The following TTC29 variants were observed in gnomAD, a reference collection of about 807,000 sequenced individuals.
TTC29 encodes the protein tetratricopeptide repeat protein 29.
TTC29 carries 49 observed loss-of-function variants against 58.1 expected under a neutral mutation model. The ratio of observed to expected loss-of-function variants is 0.84; its 90% CI spans 0.67 to 1.07. TTC29 has a LOEUF of 1.07. Ranked by LOEUF, TTC29 falls within the 50% of genes least tolerant of loss-of-function variation. TTC29 has a pLI of 0.00. For missense variants in TTC29, 582 were observed against 555.6 expected (o/e 1.05, Z -0.48); for synonymous variants, 209 against 196.8 (o/e 1.06, Z -0.52).
intron 4 of TTC29, among the ~76,000 whole-genome samples, chr4:146,926,373 G>C (rs1734930792): frequency 6.6e-6 from 1 of 152,148 alleles, no homozygotes; most frequent in Non-Finnish European, 1.5e-5. Flanking sequence ...CATAGTAACT[G>C]TAGTAATTCC....
chr4:146,714,616 A>G lies in TTC29; in HGVS notation c.1331-7065T>C, dbSNP rs10002192. 5.3e-3 allele frequency among the ~76,000 whole-genome samples: 808 copies of G among 152,114 alleles called. 11 individuals carry two copies. Among genetic ancestry groups the G allele is most frequent in the African/African-American group, 0.018 (748 of 41,570 alleles). On this transcript the variant is annotated intron_variant, in intron 11 of 12. Transcript: ENST00000325106. ...AAAAGAAAAAGAAAAAAAAAAACCT[A>G]TAAAATGTACAATGACATACCCACT...
intron 11 of TTC29, among the ~76,000 whole-genome samples, chr4:146,742,690 C>G: frequency 7.6e-6 from 1 of 132,026 alleles, no homozygotes; most frequent in Non-Finnish European, 1.6e-5. Context: ...TCCTCTTCTA[C>G]TCCTCCCCCT....
At chr4:146,852,887 G>GT (rs1451676523) in intron 8 of TTC29, among the ~76,000 whole-genome samples, 1 of 151,906 alleles carries the variant, frequency 6.6e-6, no homozygotes, top group African/African-American at 2.4e-5. Context: ...CTGTTTTATT[G>GT]TTTTTGCTTT....
chr4:146,820,276 G>A, intron 9 of TTC29, 28 bp from the exon 10 acceptor site: 5 of 1,602,852 alleles, frequency 3.1e-6, no homozygotes. Flanking sequence ...GGAAGTCAAT[G>A]GAGTATCATC....
At chr4:146,937,541 C>A in intron 4 of TTC29, 53 bp downstream of exon 4, 4 of 1,158,658 alleles carry the variant, frequency 3.5e-6, no homozygotes, top group South Asian at 3.0e-5. Context: ...AATAAAGAAT[C>A]AAGACAAAAG....
At chr4:146,865,296 T>C (rs1266193661) in intron 8 of TTC29, among the ~76,000 whole-genome samples, 12 of 152,206 alleles carry the variant, frequency 7.9e-5, no homozygotes, top group Admixed American at 7.9e-4. Context: ...TGCCACATCC[T>C]TTACAATAAA....
chr4:146,762,454 C>A lies in TTC29; in HGVS notation c.1330+41003G>T, dbSNP rs538364285. On this transcript the variant is annotated intron_variant, in intron 11 of 12. Transcript: ENST00000325106. ...GAGATCCCACTGCTGTTACAGTCAACAAAGAATCATCTCCTTGGATAACGT... is the reference window on the plus strand; with the variant it reads ...GAGATCCCACTGCTGTTACAGTCAAAAAAGAATCATCTCCTTGGATAACGT... Among the ~76,000 whole-genome samples the A allele has an allele frequency of 3.5e-4, 53 of 150,520 alleles. No individual in the cohort carries two copies. The South Asian group carries it at 0.01, about 29-fold the overall frequency.
rs573667973 is a variant in TTC29, at chr4:146,857,437, A to G, written c.885+10061T>C. Among the ~76,000 whole-genome samples, 253 of 152,278 alleles carry G rather than the reference A, an allele frequency of 1.7e-3. 4 individuals are homozygous for G. Among genetic ancestry groups the G allele is most frequent in the Non-Finnish European group, 1.4e-3 (93 of 68,014 alleles). The stretch of plus-strand genomic sequence containing the variant: ...AGGACAAAAGGATAAAGCAGATGAA[A>G]ACTCTGATGTAAAGCAGGAAAATGA... On this transcript the variant is annotated intron_variant, in intron 8 of 12. Transcript: ENST00000325106.
intron 11 of TTC29, among the ~76,000 whole-genome samples, chr4:146,773,842 G>A (rs1337347787): frequency 6.6e-6 from 1 of 151,342 alleles, no homozygotes; most frequent in East Asian, 1.9e-4. Context: ...TTATATATCT[G>A]GTAGAATTCA....
chr4:146,766,555 TA>T (rs982790297), intron 11 of TTC29, among the ~76,000 whole-genome samples: 3 of 152,054 alleles, frequency 2.0e-5, no homozygotes, highest in South Asian at 2.1e-4. Flanking sequence ...ACCTGTCTGA[TA>T]AAAAAATTAA....
chr4:146,708,351 T>C (rs1417354919), intron 11 of TTC29, among the ~76,000 whole-genome samples: 2 of 21,346 alleles, frequency 9.4e-5, no homozygotes, highest in African/African-American at 1.6e-4. Context: ...TATATATATA[T>C]ATATACACAT....
intron 6 of TTC29, among the ~76,000 whole-genome samples, chr4:146,892,992 T>C (rs1265704895): frequency 1.3e-5 from 2 of 152,098 alleles, no homozygotes; most frequent in African/African-American, 2.4e-5. Context: ...AGGACCTCTT[T>C]AAGGAGAACT....
chr4:146,746,007 A>G (rs1745514945), intron 11 of TTC29, among the ~76,000 whole-genome samples: 1 of 152,160 alleles, frequency 6.6e-6, no homozygotes, highest in African/African-American at 2.4e-5. Context: ...TGCTTTCTAT[A>G]TTGCAATTGG....
Position 146,707,158 on chromosome 4 carries a change from T to TTAAG in TTC29, c.1424_1427dup (p.Ter476TyrfsTer8), listed in dbSNP as rs762324457. ...CTTTGATGTTAAGTGAAAAGCTGCT[T>TTAAG]TAAGTTTCATTTTTTTGATCACCTG... On this transcript the variant is annotated frameshift_variant and stop_lost, in exon 13 of 13. Coordinates refer to ENST00000325106, the MANE Select transcript of TTC29 (RefSeq NM_031956.4). LOFTEE classifies it high-confidence loss of function. 1.0e-5 allele frequency: 16 copies of TTAAG among 1,527,090 alleles called. No homozygotes were observed. In the African/African-American group the frequency reaches 2.2e-4, roughly 21 times the overall value. 94.6% of individuals were successfully genotyped at this position (1,527,090 alleles called of 1,614,324 possible).
intron 11 of TTC29, among the ~76,000 whole-genome samples, chr4:146,714,100 A>G (rs1322458560): frequency 2.0e-5 from 3 of 152,194 alleles, no homozygotes; most frequent in Non-Finnish European, 4.4e-5. Flanking sequence ...TATATGAAAC[A>G]ATGATTTTGA....
At chr4:146,879,300 A>T (rs1219417274) in intron 6 of TTC29, among the ~76,000 whole-genome samples, 1 of 152,196 alleles carries the variant, frequency 6.6e-6, no homozygotes, top group Non-Finnish European at 1.5e-5. Context: ...TAAATATGCA[A>T]GCATTTCCCT....
chr4:146,767,821 G>A (rs1747440872), intron 11 of TTC29, among the ~76,000 whole-genome samples: 2 of 152,014 alleles, frequency 1.3e-5, no homozygotes, highest in African/African-American at 4.8e-5. Context: ...CCTGAATAAT[G>A]TCTGCTATTG....
chr4:146,891,428 T>C (rs549638048), intron 6 of TTC29, among the ~76,000 whole-genome samples: 2 of 152,174 alleles, frequency 1.3e-5, no homozygotes, highest in African/African-American at 4.8e-5. Context: ...TAATTAGTGA[T>C]GGTGTTTACT....
chr4:146,804,375 G>A (rs1331100564), intron 10 of TTC29, among the ~76,000 whole-genome samples: 2 of 152,084 alleles, frequency 1.3e-5, no homozygotes, highest in Non-Finnish European at 2.9e-5. Flanking sequence ...TGGAATGCAA[G>A]CAAGACAGAA....
Sources: gnomAD v4.1 joint callset for allele counts (sites outside exome capture counted in the v4.1 genomes callset) on GRCh38, gnomAD v4.1.1 for gene constraint, MANE v1.5 for transcripts, NCBI Gene and HGNC (gene_info 2026-07-23, HGNC 2026-07-21) for gene names.